Variants in CAPSL observed in about 807,000 individuals in gnomAD.
CAPSL encodes the protein calcyphosine like.
Under a neutral mutation model 21.3 loss-of-function variants are expected in CAPSL, and 17 were observed. The ratio of observed to expected loss-of-function variants is 0.80; its 90% CI spans 0.55 to 1.20. The LOEUF (loss-of-function observed/expected upper bound fraction) is 1.20, where lower values mean the gene tolerates loss of function less well. Among genes scored for constraint, CAPSL ranks in the 50% most tolerant of loss-of-function variants. The pLI is 0.00. For synonymous variants in CAPSL, 102 were observed against 89.3 expected (o/e 1.14, Z -0.80); for missense variants, 289 against 259.3 (o/e 1.11, Z -0.79).
intron 2 of CAPSL, among the ~76,000 whole-genome samples, chr5:35,915,557 TA>T (rs1381127774): frequency 6.6e-6 from 1 of 152,130 alleles, no homozygotes; most frequent in African/African-American, 2.4e-5. Flanking sequence ...TGGTTCAACA[TA>T]CGCAAATCAA....
intron 4 of CAPSL, among the ~76,000 whole-genome samples, chr5:35,909,655 G>A (rs183500148): frequency 3.2e-4 from 49 of 152,234 alleles, no homozygotes; most frequent in African/African-American, 9.6e-4. Context: ...GAGTGTGTGC[G>A]TGCACAAACA....
intron 2 of CAPSL, among the ~76,000 whole-genome samples, chr5:35,919,038 G>A (rs1738463070): frequency 6.6e-6 from 1 of 151,364 alleles, no homozygotes; most frequent in South Asian, 2.1e-4. Flanking sequence ...AAACCGTAGG[G>A]GCTGCAGAAG....
At position 35,907,493 on chromosome 5, in the gene CAPSL, G is replaced by C. The variant is rs1198562855; in HGVS notation, c.525+2373C>G. Among the ~76,000 whole-genome samples the C allele has an allele frequency of 2.0e-5, 3 of 152,150 alleles. 1 individual carries two copies. The highest frequency in any genetic ancestry group is 2.0e-4 in the Admixed American group (3 of 15,266). ...AAATGTCTCACCAAATTGTGGTGGGGTTTAGTGATAGAAAAGGGGTAAGGA... is the reference window on the plus strand; with the variant it reads ...AAATGTCTCACCAAATTGTGGTGGGCTTTAGTGATAGAAAAGGGGTAAGGA... On this transcript the variant is annotated intron_variant, in intron 4 of 4. Coordinates refer to ENST00000651391, the MANE Select transcript of CAPSL (RefSeq NM_001042625.2).
intron 2 of CAPSL, among the ~76,000 whole-genome samples, chr5:35,912,785 C>T (rs1738266536): frequency 1.3e-5 from 2 of 152,174 alleles, no homozygotes; most frequent in African/African-American, 2.4e-5. Context: ...AAACTGGAAA[C>T]TCTAAAAAGC....
rs1222684051 is a variant in CAPSL, at chr5:35,921,139, A to T, written c.1-19T>A. 6.2e-7 allele frequency: 1 copy of T among 1,612,918 alleles called. No homozygotes were observed. The highest frequency in any genetic ancestry group is 8.5e-7 in the Non-Finnish European group (1 of 1,179,748). On this transcript the variant is annotated intron_variant, in intron 1 of 4. Coordinates refer to ENST00000651391, the MANE Select transcript of CAPSL (RefSeq NM_001042625.2). ...CTGCCATCTGAGGGGAAGCCATAGC[A>T]TGTTAGCAAAGTCCAGGCCTCGCCG... is the stretch of plus-strand genomic sequence containing the variant.
chr5:35,906,596 C>A (rs1173395938), intron 4 of CAPSL, among the ~76,000 whole-genome samples: 1 of 152,168 alleles, frequency 6.6e-6, no homozygotes, highest in Non-Finnish European at 1.5e-5. Context: ...GCTCTGCTCT[C>A]TTTAAGCCAC....
chr5:35,932,439 C>G (rs950189655), intron 1 of CAPSL, among the ~76,000 whole-genome samples: 2 of 152,220 alleles, frequency 1.3e-5, no homozygotes, highest in African/African-American at 4.8e-5. Context: ...GGGCAAAAGG[C>G]AAGAAGGATG....
chr5:35,912,644 A>G (rs10077384), intron 2 of CAPSL, among the ~76,000 whole-genome samples: 63,511 of 152,148 alleles, frequency 0.42, 14,348 homozygotes, highest in East Asian at 0.69. Context: ...CCTGCAGCTG[A>G]GGTTCCTGAC....
intron 2 of CAPSL, among the ~76,000 whole-genome samples, chr5:35,914,496 T>G (rs1162582792): frequency 2.6e-5 from 4 of 151,384 alleles, no homozygotes; most frequent in African/African-American, 7.3e-5. Flanking sequence ...GAACAGAAAT[T>G]ATAACAAACT....
Position 35,904,674 on chromosome 5 carries a change from C to A in CAPSL, c.526-28G>T, listed in dbSNP as rs147434258. On this transcript the variant is annotated intron_variant, in intron 4 of 4. Transcript: ENST00000651391. ...GCAGTGGAAAAGTTAGAAACAAAAA[C>A]GAAACTTTGCTTCTCACTCTGTCAA... 3 of 1,609,590 alleles carry A rather than the reference C, an allele frequency of 1.9e-6. No homozygotes were observed. In the African/African-American group the frequency reaches 4.0e-5, roughly 22 times the overall value.
At chr5:35,909,227 T>C (rs1738132732) in intron 4 of CAPSL, among the ~76,000 whole-genome samples, 1 of 152,152 alleles carries the variant, frequency 6.6e-6, no homozygotes, top group African/African-American at 2.4e-5. Context: ...AAGATAAAAG[T>C]TAATGGAGAT....
intron 1 of CAPSL, among the ~76,000 whole-genome samples, chr5:35,924,085 A>G (rs1465482699): frequency 6.6e-6 from 1 of 152,228 alleles, no homozygotes; most frequent in African/African-American, 2.4e-5. Flanking sequence ...GTTAAAAAAG[A>G]AAAACAAGCC....
chr5:35,916,533 A>T, intron 2 of CAPSL, among the ~76,000 whole-genome samples: 1 of 152,204 alleles, frequency 6.6e-6, no homozygotes, highest in Non-Finnish European at 1.5e-5. Flanking sequence ...CCAATGGAAC[A>T]GAACAGAGCC....
intron 2 of CAPSL, among the ~76,000 whole-genome samples, chr5:35,917,123 C>T (rs1246586162): frequency 6.6e-6 from 1 of 152,206 alleles, no homozygotes; most frequent in Non-Finnish European, 1.5e-5. Context: ...AAATGCTCAT[C>T]ATCACTGGCC....
At chr5:35,937,460 TCACACTTGCAGGTA>T (rs1319955157) in intron 1 of CAPSL, among the ~76,000 whole-genome samples, 5 of 152,314 alleles carry the variant, frequency 3.3e-5, no homozygotes, top group African/African-American at 1.2e-4. Context: ...GTACATGTAG[TCACACTTGCAGGTA>T]CACCTTCTTT....
At position 35,910,066 on chromosome 5, in the gene CAPSL, A is replaced by T; in HGVS notation, c.325T>A (p.Ser109Thr). 6.2e-7 allele frequency: 1 copy of T among 1,601,712 alleles called. No individual in the cohort carries two copies. The highest frequency in any genetic ancestry group is 8.5e-7 in the Non-Finnish European group (1 of 1,175,966). ...ATGATTACCTCTTTTCTGGCTCTGG[A>T]CATTGGAGGCTACAAAAATAGAAGA... is the stretch of plus-strand genomic sequence containing the variant. ...EFLLTLRPPM[S>T]RARKEVIMQA... Residue 109 changes from serine (S) to threonine (T), a missense_variant, in exon 4 of 5, where the codon TCC (serine) becomes ACC (threonine). Coordinates refer to ENST00000651391, the MANE Select transcript of CAPSL (RefSeq NM_001042625.2).
intron 2 of CAPSL, among the ~76,000 whole-genome samples, chr5:35,919,776 T>C (rs1042698141): frequency 1.3e-5 from 2 of 152,148 alleles, no homozygotes; most frequent in African/African-American, 4.8e-5. Context: ...AGATGGCACA[T>C]TCTGCAAAAG....
chr5:35,909,779 T>G, intron 4 of CAPSL, 87 bp downstream of exon 4: 1 of 1,064,986 alleles, frequency 9.4e-7, no homozygotes, highest in East Asian at 2.4e-5. Flanking sequence ...GGTATCAATG[T>G]GTTAACATTT....
chr5:35,928,425 G>A (rs1205430865), intron 1 of CAPSL, among the ~76,000 whole-genome samples: 2 of 152,160 alleles, frequency 1.3e-5, no homozygotes, highest in Non-Finnish European at 2.9e-5. Flanking sequence ...GTTTGAATAC[G>A]TGGCTTCTGC....
Sources: allele counts gnomAD v4.1 joint callset (sites outside exome capture counted in the v4.1 genomes callset), GRCh38; gene constraint gnomAD v4.1.1; transcripts MANE v1.5; gene names NCBI Gene and HGNC (gene_info 2026-07-23, HGNC 2026-07-21).